Variants in BFAR observed in about 807,000 individuals in gnomAD.
BFAR encodes RING finger protein 47.
BFAR carries 52 observed loss-of-function variants against 54.4 expected under a neutral mutation model. The observed-to-expected ratio is 0.96, with a 90% CI of 0.77 to 1.21. BFAR has a LOEUF of 1.21. BFAR is among the 50% of genes most tolerant of loss of function. The probability of loss-of-function intolerance (pLI) is 0.00; values close to 1 mark genes in which losing one functional copy is unlikely to be tolerated. For missense variants in BFAR, 571 were observed against 534.0 expected (o/e 1.07, Z -0.68); for synonymous variants, 215 against 204.3 (o/e 1.05, Z -0.45).
At chr16:14,638,684 G>A (rs987267217) in intron 1 of BFAR, among the ~76,000 whole-genome samples, 6 of 152,152 alleles carry the variant, frequency 3.9e-5, no homozygotes, top group South Asian at 2.1e-4. Context: ...AGTGGCTCAC[G>A]CCTGTAATCC....
At chr16:14,644,890 A>C (rs915471155) in intron 2 of BFAR, among the ~76,000 whole-genome samples, 1 of 152,172 alleles carries the variant, frequency 6.6e-6, no homozygotes, top group Non-Finnish European at 1.5e-5. Flanking sequence ...ATCTTCTGGA[A>C]TATGAGTCAG....
chr16:14,666,397 C>G (rs1960441260), intron 7 of BFAR, among the ~76,000 whole-genome samples: 1 of 152,120 alleles, frequency 6.6e-6, no homozygotes. Flanking sequence ...ATAGTGAAAC[C>G]TCATCTCTAC....
intron 5 of BFAR, among the ~76,000 whole-genome samples, chr16:14,661,391 T>TC (rs1960282648): frequency 7.7e-6 from 1 of 129,484 alleles, no homozygotes; most frequent in African/African-American, 2.7e-5. Flanking sequence ...AGAGATTGGA[T>TC]CTTTTTTTTT....
At position 14,649,895 on chromosome 16, in the gene BFAR, T is replaced by C. The variant is rs1275335342; in HGVS notation, c.560T>C (p.Val187Ala). The change falls in exon 4 of 8, where the codon GTT (valine) becomes GCT (alanine). Residue 187 changes from valine (V) to alanine (A), a missense_variant. By Grantham distance (64) the Val-to-Ala change is moderately conservative. Transcript: ENST00000261658. Reference protein sequence around the residue: ...KAVAKWTAEEVVLWLEQLGPW... With the variant: ...KAVAKWTAEEAVLWLEQLGPW... ...GTGGCCAAATGGACGGCGGAAGAAGTTGTCCTCTGGCTGGAGCAGCTGGGC... is the reference window on the plus strand; with the variant it reads ...GTGGCCAAATGGACGGCGGAAGAAGCTGTCCTCTGGCTGGAGCAGCTGGGC... 2 of 1,613,720 alleles carry C rather than the reference T, an allele frequency of 1.2e-6. No homozygotes were observed. Among genetic ancestry groups the C allele is most frequent in the South Asian group, 1.1e-5 (1 of 90,964 alleles).
At chr16:14,658,204 A>C (rs1960183165) in intron 5 of BFAR, among the ~76,000 whole-genome samples, 2 of 152,194 alleles carry the variant, frequency 1.3e-5, no homozygotes, top group African/African-American at 4.8e-5. Flanking sequence ...TGGATTTTTT[A>C]GTCAGTTTTG....
intron 5 of BFAR, among the ~76,000 whole-genome samples, chr16:14,656,180 G>A (rs1353305953): frequency 1.3e-5 from 2 of 152,050 alleles, no homozygotes; most frequent in African/African-American, 2.4e-5. Flanking sequence ...GCAGCCTAGG[G>A]GACAGAGCAA....
chr16:14,633,509 G>C (rs1009068273), intron 1 of BFAR: 2 of 152,274 alleles, frequency 1.3e-5, no homozygotes, highest in Admixed American at 6.5e-5. Context: ...AAGGCGGAGC[G>C]ATTGTGCCCA....
intron 5 of BFAR, among the ~76,000 whole-genome samples, chr16:14,659,308 C>G (rs560927812): frequency 1.2e-4 from 18 of 150,368 alleles, no homozygotes; most frequent in Non-Finnish European, 2.4e-4. Context: ...GTGGCATGAT[C>G]TTGGCTCACT....
rs752810412 is a variant in BFAR at position 14,649,832 on chromosome 16, G to A, written c.497G>A (p.Ser166Asn). ...AVVLLVYHWSSRESEHDLLVH... is the reference protein window; with the variant it reads ...AVVLLVYHWSNRESEHDLLVH... The stretch of plus-strand genomic sequence containing the variant: ...GTCCTGCTCGTCTATCACTGGAGCA[G>A]CAGGGAATCTGAACACGACCTCCTG... Residue 166 changes from serine (S) to asparagine (N), a missense_variant, in exon 4 of 8, where the codon AGC becomes AAC. Coordinates refer to ENST00000261658, the MANE Select transcript of BFAR (RefSeq NM_016561.3). The A allele has an allele frequency of 2.2e-5, 36 of 1,610,586 alleles. No homozygotes were observed. The East Asian group carries it at 7.6e-4, about 34-fold the overall frequency.
chr16:14,663,786 G>A (rs1392286115), intron 6 of BFAR, among the ~76,000 whole-genome samples: 1 of 152,028 alleles, frequency 6.6e-6, no homozygotes. Flanking sequence ...GTTGAATTTA[G>A]GAAATGGTTC....
intron 1 of BFAR, among the ~76,000 whole-genome samples, chr16:14,637,711 C>T (rs113129295): frequency 0.011 from 1,657 of 152,070 alleles, 10 homozygotes; most frequent in Middle Eastern, 0.054. Flanking sequence ...TGCTTGTAAT[C>T]CCAGCTACTC....
At chr16:14,649,070 CTTTTTTTT>C (rs544187036) in intron 3 of BFAR, among the ~76,000 whole-genome samples, 2 of 104,472 alleles carry the variant, frequency 1.9e-5, no homozygotes, top group Non-Finnish European at 3.8e-5. Context: ...ATCTCTTGCT[CTTTTTTTT>C]TTTTTTTTTT....
At chr16:14,662,728 G>A (rs1176603927) in intron 6 of BFAR, among the ~76,000 whole-genome samples, 1 of 152,090 alleles carries the variant, frequency 6.6e-6, no homozygotes, top group Non-Finnish European at 1.5e-5. Context: ...ATGTTGCCCA[G>A]CCTGGTCTTG....
chr16:14,636,748 T>C (rs994512477), intron 1 of BFAR, among the ~76,000 whole-genome samples: 3 of 152,322 alleles, frequency 2.0e-5, no homozygotes, highest in Admixed American at 2.0e-4. Context: ...TATTTCAGAC[T>C]ATCACATGGG....
At chr16:14,654,947 G>C in intron 4 of BFAR, 119 bp from the exon 5 acceptor site, 1 of 1,080,718 alleles carries the variant, frequency 9.3e-7, no homozygotes, top group African/African-American at 1.6e-5. Context: ...TGTTAAATGT[G>C]AAATGTCTCA....
At chr16:14,660,915 A>AT (rs1960270711) in intron 5 of BFAR, among the ~76,000 whole-genome samples, 1 of 151,660 alleles carries the variant, frequency 6.6e-6, no homozygotes. Flanking sequence ...AAATAAAAAA[A>AT]TTAAGAGACT....
intron 5 of BFAR, among the ~76,000 whole-genome samples, chr16:14,655,981 G>A (rs368789613): frequency 5.3e-5 from 8 of 152,080 alleles, no homozygotes; most frequent in South Asian, 2.1e-4. Flanking sequence ...AGGCCGAGGC[G>A]GGGGGATGAC....
chr16:14,647,821 C>T (rs918811218), intron 2 of BFAR, among the ~76,000 whole-genome samples: 1 of 152,146 alleles, frequency 6.6e-6, no homozygotes, highest in East Asian at 1.9e-4. Context: ...TTTAGTGATC[C>T]AGCAAATGCA....
chr16:14,650,628 A>G (rs138052895), intron 4 of BFAR: 1 of 152,298 alleles, frequency 6.6e-6, no homozygotes, highest in Non-Finnish European at 1.5e-5. Flanking sequence ...ACTTAGCATA[A>G]TCTTTTTCAA....
Sources: gnomAD v4.1 joint callset for allele counts (sites outside exome capture counted in the v4.1 genomes callset) on GRCh38, gnomAD v4.1.1 for gene constraint, MANE v1.5 for transcripts, NCBI Gene and HGNC (gene_info 2026-07-23, HGNC 2026-07-21) for gene names.